CTNNBL1: variants seen among roughly 807,000 people sequenced by gnomAD.
CTNNBL1 encodes the protein catenin beta like 1.
CTNNBL1 carries 31 observed loss-of-function variants against 72.7 expected under a neutral mutation model. That is an observed-to-expected ratio of 0.43 (90% CI 0.32 to 0.58). The LOEUF (loss-of-function observed/expected upper bound fraction) is 0.58, where lower values mean the gene tolerates loss of function less well. CTNNBL1 is among the 20% of genes least tolerant of loss of function. The probability of loss-of-function intolerance (pLI) is 0.08; values close to 1 mark genes in which losing one functional copy is unlikely to be tolerated. For synonymous variants in CTNNBL1, 240 were observed against 267.3 expected (o/e 0.90, Z 1.00); for missense variants, 534 against 725.1 (o/e 0.74, Z 3.03).
chr20:37,790,212 C>T (rs1167739002), intron 10 of CTNNBL1, among the ~76,000 whole-genome samples: 1 of 152,158 alleles, frequency 6.6e-6, no homozygotes, highest in Non-Finnish European at 1.5e-5. Flanking sequence ...ATAGATAGGC[C>T]AGCCTGGGGA....
At chr20:37,781,709 A>G (rs2073627249) in intron 10 of CTNNBL1, among the ~76,000 whole-genome samples, 1 of 152,166 alleles carries the variant, frequency 6.6e-6, no homozygotes, top group South Asian at 2.1e-4. Flanking sequence ...CTGATCTTCT[A>G]GTAAGAGCTG....
intron 11 of CTNNBL1, among the ~76,000 whole-genome samples, chr20:37,813,407 T>C (rs1361845427): frequency 6.6e-6 from 1 of 152,234 alleles, no homozygotes; most frequent in African/African-American, 2.4e-5. Context: ...AACTATGCTC[T>C]GCTGCCAGAG....
At chr20:37,789,180 G>A (rs1227710056) in intron 10 of CTNNBL1, among the ~76,000 whole-genome samples, 1 of 152,184 alleles carries the variant, frequency 6.6e-6, no homozygotes, top group Non-Finnish European at 1.5e-5. Context: ...ATGAGGTAAG[G>A]GTGGAAGACG....
At chr20:37,835,672 A>C (rs1173397075) in intron 11 of CTNNBL1, among the ~76,000 whole-genome samples, 2 of 152,332 alleles carry the variant, frequency 1.3e-5, no homozygotes, top group Non-Finnish European at 2.9e-5. Flanking sequence ...TGCAAAAGTA[A>C]GTCAAAATAT....
rs372103123 is a variant in CTNNBL1 at position 37,757,532 on chromosome 20, G to C, written c.467-27G>C. On this transcript the variant is annotated intron_variant, in intron 4 of 15. Transcript: ENST00000361383. ...AAAAATACTGGTACCGTTTCAGTAT[G>C]TGTGTTATACCCTTAACATTTTTCA... 9.2e-6 allele frequency: 14 copies of C among 1,518,236 alleles called. No homozygotes were observed. The South Asian group carries it at 1.4e-4, about 15-fold the overall frequency. The allele number at this position is 1,518,236 out of a possible 1,614,324, so 94.0% of individuals were successfully genotyped here.
intron 7 of CTNNBL1, among the ~76,000 whole-genome samples, chr20:37,776,333 A>T (rs890043268): frequency 6.6e-6 from 1 of 152,096 alleles, no homozygotes; most frequent in Non-Finnish European, 1.5e-5. Context: ...ATTAGGTACA[A>T]CTCTTCCTCT....
chr20:37,732,841 G>C lies in CTNNBL1; in HGVS notation c.31-38G>C, dbSNP rs752564914. On this transcript the variant is annotated intron_variant, in intron 1 of 15. Coordinates refer to ENST00000361383, the MANE Select transcript of CTNNBL1 (RefSeq NM_030877.5). ...AGCCACCACGCCTGGCTTCTATGTT[G>C]TATCCAGCTCTAAAATCTTATGTTT... 9.4e-6 allele frequency: 15 copies of C among 1,596,788 alleles called. No individual in the cohort carries two copies. The East Asian group carries it at 1.8e-4, about 19-fold the overall frequency.
intron 10 of CTNNBL1, among the ~76,000 whole-genome samples, chr20:37,793,726 A>G (rs980095046): frequency 6.6e-6 from 1 of 152,216 alleles, no homozygotes; most frequent in Non-Finnish European, 1.5e-5. Context: ...TCAAAATGTT[A>G]TTAGCCCTGT....
intron 11 of CTNNBL1, among the ~76,000 whole-genome samples, chr20:37,839,024 G>A (rs552963391): frequency 6.6e-6 from 1 of 152,084 alleles, no homozygotes; most frequent in Non-Finnish European, 1.5e-5. Context: ...GCATGTAATG[G>A]TTTTCAAAGC....
intron 11 of CTNNBL1, among the ~76,000 whole-genome samples, chr20:37,819,492 A>G (rs1408902262): frequency 6.6e-6 from 1 of 152,202 alleles, no homozygotes; most frequent in East Asian, 1.9e-4. Flanking sequence ...TGTCATTGGT[A>G]TACCTGAGTG....
At chr20:37,702,816 A>C (rs2072855492) in intron 1 of CTNNBL1, among the ~76,000 whole-genome samples, 1 of 152,190 alleles carries the variant, frequency 6.6e-6, no homozygotes, top group Non-Finnish European at 1.5e-5. Context: ...AAGGACCAGC[A>C]CCTAGCAGAG....
At chr20:37,864,684 G>C (rs932695469) in intron 15 of CTNNBL1, among the ~76,000 whole-genome samples, 2 of 152,230 alleles carry the variant, frequency 1.3e-5, no homozygotes, top group African/African-American at 4.8e-5. Flanking sequence ...CGGCCACAAA[G>C]AGAAGGGCAG....
At chr20:37,816,153 G>C (rs2075533708) in intron 11 of CTNNBL1, among the ~76,000 whole-genome samples, 1 of 152,124 alleles carries the variant, frequency 6.6e-6, no homozygotes, top group Non-Finnish European at 1.5e-5. Context: ...TTGTTTCCAG[G>C]TAGCCAAACA....
At chr20:37,703,598 C>T (rs6020340) in intron 1 of CTNNBL1, among the ~76,000 whole-genome samples, 9 of 152,288 alleles carry the variant, frequency 5.9e-5, no homozygotes, top group African/African-American at 1.9e-4. Flanking sequence ...ATTAATGTTT[C>T]GTGTGTGTAC....
chr20:37,746,393 C>A, intron 3 of CTNNBL1, 75 bp from the exon 4 acceptor site: 1 of 1,522,118 alleles, frequency 6.6e-7, no homozygotes, highest in Non-Finnish European at 9.0e-7. Flanking sequence ...GCCTTGTTGT[C>A]TAGATTGTTG....
intron 10 of CTNNBL1, 139 bp from the exon 11 acceptor site, chr20:37,802,728 C>A: frequency 1.6e-6 from 1 of 626,380 alleles, no homozygotes; most frequent in Non-Finnish European, 2.7e-6. Context: ...CTATTGTAGA[C>A]GTCTTCTCCT....
chr20:37,789,964 C>G (rs1159766062), intron 10 of CTNNBL1, among the ~76,000 whole-genome samples: 1 of 152,112 alleles, frequency 6.6e-6, no homozygotes, highest in Non-Finnish European at 1.5e-5. Flanking sequence ...ATACAGTGAA[C>G]CCATCTTGGT....
At chr20:37,819,917 C>T (rs1251804862) in intron 11 of CTNNBL1, among the ~76,000 whole-genome samples, 1 of 150,302 alleles carries the variant, frequency 6.7e-6, no homozygotes, top group Non-Finnish European at 1.5e-5. Context: ...CTCTGTCGCC[C>T]AGGCTGGAGT....
chr20:37,870,396 G>A (rs763402148), intron 15 of CTNNBL1, among the ~76,000 whole-genome samples: 1 of 151,976 alleles, frequency 6.6e-6, no homozygotes, highest in Non-Finnish European at 1.5e-5. Flanking sequence ...GCCCCTCCCT[G>A]TTGTTGGCAC....
Sources: gnomAD v4.1 joint callset for allele counts (sites outside exome capture counted in the v4.1 genomes callset) on GRCh38, gnomAD v4.1.1 for gene constraint, MANE v1.5 for transcripts, NCBI Gene and HGNC (gene_info 2026-07-23, HGNC 2026-07-21) for gene names.